PALM2AKAP2: variants seen among roughly 807,000 people sequenced by gnomAD.
The protein encoded by PALM2AKAP2 is PALM2-AKAP2 fusion protein.
A neutral mutation model predicts 71.5 loss-of-function variants in PALM2AKAP2; 37 were observed. The observed-to-expected ratio is 0.52, with a 90% CI of 0.40 to 0.68. PALM2AKAP2 has a LOEUF of 0.68. Ranked by LOEUF, PALM2AKAP2 falls within the 30% of genes least tolerant of loss-of-function variation. The pLI is 0.00. For missense variants in PALM2AKAP2, 1,224 were observed against 1,191.8 expected (o/e 1.03, Z -0.40); for synonymous variants, 468 against 478.8 (o/e 0.98, Z 0.29).
At chr9:110,138,966 C>T (rs1183827540) in intron 2 of PALM2AKAP2, among the ~76,000 whole-genome samples, 1 of 152,186 alleles carries the variant, frequency 6.6e-6, no homozygotes, top group Non-Finnish European at 1.5e-5. Context: ...GAGTTGTCCT[C>T]TACTAACTAA....
At chr9:110,033,917 G>T (rs1358633939) in intron 7 of PALM2AKAP2, among the ~76,000 whole-genome samples, 1 of 152,104 alleles carries the variant, frequency 6.6e-6, no homozygotes, top group Non-Finnish European at 1.5e-5. Flanking sequence ...TATCCAATGA[G>T]TTCCATGAAC....
At chr9:109,761,819 TGC>T (rs1192782451) in intron 1 of PALM2AKAP2, among the ~76,000 whole-genome samples, 3 of 152,232 alleles carry the variant, frequency 2.0e-5, no homozygotes, top group Non-Finnish European at 4.4e-5. Flanking sequence ...TTGTAAATAG[TGC>T]TGCAATAAAC....
intron 1 of PALM2AKAP2, among the ~76,000 whole-genome samples, chr9:109,738,780 C>T (rs1828675247): frequency 6.6e-6 from 1 of 152,170 alleles, no homozygotes; most frequent in Admixed American, 6.5e-5. Context: ...AACTAGTAAG[C>T]CCAAAAACTG....
At chr9:109,874,779 C>T (rs191532003) in intron 2 of PALM2AKAP2, among the ~76,000 whole-genome samples, 4 of 152,304 alleles carry the variant, frequency 2.6e-5, no homozygotes, top group Non-Finnish European at 5.9e-5. Flanking sequence ...CCACTATTCA[C>T]CCTTTCACTC....
rs151138713 is a variant in PALM2AKAP2 at position 110,036,499 on chromosome 9, A to G, written c.582+20460A>G. Among the ~76,000 whole-genome samples the G allele has an allele frequency of 1.4e-3, 217 of 152,226 alleles. 1 individual carries two copies. Among genetic ancestry groups the G allele is most frequent in the African/African-American group, 5.1e-3 (212 of 41,532 alleles). On this transcript the variant is annotated intron_variant, in intron 7 of 9. Transcript: ENST00000302798. ...CACCATTACCATTCTGCTTTCAGCCATTATCATCTCTTGCCCAGATTATTA... is the reference window on the plus strand; with the variant it reads ...CACCATTACCATTCTGCTTTCAGCCGTTATCATCTCTTGCCCAGATTATTA...
At chr9:110,125,779 T>TC (rs1491091236) in intron 1 of PALM2AKAP2, among the ~76,000 whole-genome samples, 2 of 69,182 alleles carry the variant, frequency 2.9e-5, no homozygotes, top group South Asian at 3.9e-4. Flanking sequence ...TCTCTCTCTC[T>TC]TTTTTTTTTT....
exon 2 of PALM2AKAP2, chr9:110,136,490 G>A (rs1239869249): frequency 6.2e-7 from 1 of 1,613,988 alleles, no homozygotes; most frequent in Non-Finnish European, 8.5e-7. Context: ...TGGTGCAGTG[G>A]TTCTGGTGGG....
chr9:109,966,155 A>T (rs67756702), intron 6 of PALM2AKAP2, among the ~76,000 whole-genome samples: 25,875 of 152,180 alleles, frequency 0.17, 2,528 homozygotes, highest in East Asian at 0.42. Context: ...GGGAGGATGA[A>T]AAGATCAGTG....
Position 110,023,028 on chromosome 9 carries a change from A to G in PALM2AKAP2, c.582+6989A>G, listed in dbSNP as rs1833102126. Among the ~76,000 whole-genome samples, 4 of 151,816 alleles carry G rather than the reference A, an allele frequency of 2.6e-5. 1 individual carries two copies. The highest frequency in any genetic ancestry group is 4.2e-4 in the South Asian group (2 of 4,806). On this transcript the variant is annotated intron_variant, in intron 7 of 9. Transcript: ENST00000302798. ...AGTCTTTGCTATTGTGAATAGTGCC[A>G]CAATAAACATACGTGTGCATGTGTC...
chr9:110,037,175 C>CT (rs547998825), intron 7 of PALM2AKAP2, among the ~76,000 whole-genome samples: 58 of 144,878 alleles, frequency 4.0e-4, no homozygotes, highest in Admixed American at 4.8e-4. Context: ...GGGGACTTTC[C>CT]TTTTTTTTTT....
intron 1 of PALM2AKAP2, among the ~76,000 whole-genome samples, chr9:109,822,156 G>T (rs1205544032): frequency 9.9e-5 from 15 of 152,186 alleles, no homozygotes; most frequent in Non-Finnish European, 2.9e-5. Context: ...AAGGGCACAG[G>T]GGTGCCCCAC....
intron 3 of PALM2AKAP2, among the ~76,000 whole-genome samples, chr9:109,887,198 A>T (rs1260122702): frequency 6.6e-6 from 1 of 152,276 alleles, no homozygotes; most frequent in African/African-American, 2.4e-5. Context: ...TTTGGCAACC[A>T]AGAAGATGAC....
intron 1 of PALM2AKAP2, among the ~76,000 whole-genome samples, chr9:110,112,946 C>T (rs570001346): frequency 6.6e-6 from 1 of 152,246 alleles, no homozygotes; most frequent in Admixed American, 6.5e-5. Flanking sequence ...AGGTTATGAG[C>T]ACCTCATCAT....
In PALM2AKAP2 at chr9:109,691,919, T is replaced by C. The variant is rs1404378778; in HGVS notation, c.5+51053T>C. Among the ~76,000 whole-genome samples the C allele has an allele frequency of 5.1e-4, 63 of 124,162 alleles. 3 individuals are homozygous for C. The highest frequency in any genetic ancestry group is 7.0e-4 in the African/African-American group (20 of 28,458). 81.5% of individuals were successfully genotyped at this position (124,162 alleles called of 152,430 possible). ...ATATATATACACACACACATATATA[T>C]ATATACACATATATATATATACACA... On this transcript the variant is annotated intron_variant, in intron 1 of 6. Coordinates refer to the PALM2AKAP2 transcript ENST00000374531.
chr9:109,923,887 A>T, intron 4 of PALM2AKAP2, 38 bp downstream of exon 4: 4 of 1,524,684 alleles, frequency 2.6e-6, no homozygotes, highest in Non-Finnish European at 3.5e-6. Context: ...AGTTATTTCC[A>T]TGGGGAAGTA....
At chr9:109,853,267 A>G (rs955694331) in intron 1 of PALM2AKAP2, among the ~76,000 whole-genome samples, 5 of 110,928 alleles carry the variant, frequency 4.5e-5, no homozygotes, top group Non-Finnish European at 9.5e-5. Context: ...CCTTTTCACA[A>G]GTACTATTAG....
chr9:109,690,357 G>C (rs1050324076), intron 1 of PALM2AKAP2, among the ~76,000 whole-genome samples: 23 of 152,118 alleles, frequency 1.5e-4, no homozygotes, highest in Non-Finnish European at 3.1e-4. Context: ...GGCTAAAAAG[G>C]GAGGTTGAGA....
intron 1 of PALM2AKAP2, among the ~76,000 whole-genome samples, chr9:109,747,773 G>T (rs1276443444): frequency 4.6e-5 from 7 of 152,034 alleles, no homozygotes; most frequent in Non-Finnish European, 7.4e-5. Context: ...AGACTCAATG[G>T]ATTCTCCCAC....
chr9:109,684,562 A>G (rs982785740), intron 1 of PALM2AKAP2, among the ~76,000 whole-genome samples: 43 of 152,198 alleles, frequency 2.8e-4, no homozygotes, highest in African/African-American at 9.4e-4. Flanking sequence ...GAAAATTTCT[A>G]ATCCATCACA....
Sources: gnomAD v4.1 joint callset for allele counts (sites outside exome capture counted in the v4.1 genomes callset) on GRCh38, gnomAD v4.1.1 for gene constraint, MANE v1.5 for transcripts, NCBI Gene and HGNC (gene_info 2026-07-23, HGNC 2026-07-21) for gene names.